ABCG2: variants seen among roughly 807,000 people sequenced by gnomAD.
ABCG2 encodes the protein broad substrate specificity ATP-binding cassette transporter ABCG2.
ABCG2 carries 80 observed loss-of-function variants against 73.5 expected under a neutral mutation model. The ratio of observed to expected loss-of-function variants is 1.09; its 90% CI spans 0.91 to 1.31. The LOEUF (loss-of-function observed/expected upper bound fraction) is 1.31, where lower values mean the gene tolerates loss of function less well. Ranked by LOEUF, ABCG2 falls within the 50% of genes most tolerant of loss-of-function variation. ABCG2 has a pLI of 0.00. For missense variants in ABCG2, 796 were observed against 786.2 expected, an observed-to-expected ratio of 1.01 and a Z score of -0.15; for synonymous variants, 269 against 282.4, an observed-to-expected ratio of 0.95 and a Z score of 0.48.
Position 88,219,814 on chromosome 4 carries a change from C to T in ABCG2, c.-20+11180G>A, listed in dbSNP as rs527269741. 4.0e-5 allele frequency among the ~76,000 whole-genome samples: 6 copies of T among 150,166 alleles called. No homozygotes were observed. In the South Asian group the frequency reaches 1.1e-3, roughly 26 times the overall value. ...CCATGTTAGCCAGGATGGTCTCGAT[C>T]TCCTGACCTCGTGATCCACCCGCCT... On this transcript the variant is annotated intron_variant, in intron 1 of 15. Coordinates refer to the ABCG2 transcript ENST00000515655.
intron 1 of ABCG2, among the ~76,000 whole-genome samples, chr4:88,211,372 C>G (rs961009278): frequency 2.4e-5 from 3 of 123,918 alleles, no homozygotes; most frequent in African/African-American, 8.5e-5. Flanking sequence ...CACCCCCCCC[C>G]ACTTTTGGAG....
At chr4:88,155,298 T>C (rs377297076) in intron 1 of ABCG2, among the ~76,000 whole-genome samples, 111 of 152,252 alleles carry the variant, frequency 7.3e-4, no homozygotes, top group African/African-American at 2.4e-3. Flanking sequence ...TCAGACACGA[T>C]TGGCAGGGAG....
At chr4:88,141,559 C>G (rs1725643913) in intron 1 of ABCG2, among the ~76,000 whole-genome samples, 1 of 152,058 alleles carries the variant, frequency 6.6e-6, no homozygotes, top group Non-Finnish European at 1.5e-5. Flanking sequence ...GGAATGTGGA[C>G]AAACCAAAAA....
chr4:88,130,222 G>C (rs1724753438), intron 5 of ABCG2, among the ~76,000 whole-genome samples: 1 of 152,058 alleles, frequency 6.6e-6, no homozygotes, highest in Non-Finnish European at 1.5e-5. Flanking sequence ...GCTCCCCAAT[G>C]CTTGCATTAC....
At chr4:88,164,148 C>A (rs963309547), upstream of ABCG2, among the ~76,000 whole-genome samples, 8 of 151,906 alleles carry the variant, frequency 5.3e-5, no homozygotes, top group Non-Finnish European at 8.8e-5. Flanking sequence ...CTCACTGCAA[C>A]CTCTGCCTTG....
In ABCG2 at chr4:88,099,417, A is replaced by T; in HGVS notation, c.1399T>A (p.Ser467Thr). The change falls in exon 12 of 16, where the codon TCA becomes ACA. Residue 467 changes from serine (S) to threonine (T), a missense_variant. By Grantham distance (58) the Ser-to-Thr change is moderately conservative. Coordinates refer to ENST00000237612, the MANE Select transcript of ABCG2 (RefSeq NM_004827.3). ...HEYISGYYRV[S>T]SYFLGKLLSD... ...AACAGTTTTCCAAGGAAATAAGATG[A>T]CACTCTGTAGTATCCGCTGATGTAT... The T allele has an allele frequency of 6.2e-7, 1 of 1,611,248 alleles. No homozygotes were observed. The highest frequency in any genetic ancestry group is 8.5e-7 in the Non-Finnish European group (1 of 1,178,868).
At chr4:88,100,220 C>T (rs1738286928) in intron 11 of ABCG2, among the ~76,000 whole-genome samples, 2 of 151,780 alleles carry the variant, frequency 1.3e-5, no homozygotes, top group Non-Finnish European at 2.9e-5. Flanking sequence ...AGCCAGGCGC[C>T]CCGGTGCAGT....
chr4:88,230,208 G>A (rs933823469), intron 1 of ABCG2, among the ~76,000 whole-genome samples: 13 of 147,426 alleles, frequency 8.8e-5, no homozygotes, highest in African/African-American at 3.0e-4. Context: ...GGCCAGGCTT[G>A]TCTCGAACTC....
intron 7 of ABCG2, among the ~76,000 whole-genome samples, 198 bp from the exon 8 acceptor site, chr4:88,115,256 C>CTCTCTCTCTCTATATA (rs1309360818): frequency 6.4e-4 from 45 of 69,864 alleles, no homozygotes; most frequent in African/African-American, 2.5e-3. Flanking sequence ...CTCTCTCTCT[C>CTCTCTCTCTCTATATA]TATATATATA....
intron 1 of ABCG2, among the ~76,000 whole-genome samples, chr4:88,142,835 C>A (rs912168434): frequency 6.6e-6 from 1 of 152,002 alleles, no homozygotes; most frequent in African/African-American, 2.4e-5. Context: ...ATGGTTTCGG[C>A]TACTCGGGAG....
At chr4:88,202,379 T>TATATATATATATATATATATAG (rs1729221785) in intron 1 of ABCG2, among the ~76,000 whole-genome samples, 1 of 136,006 alleles carries the variant, frequency 7.4e-6, no homozygotes, top group African/African-American at 2.7e-5. Flanking sequence ...TATATATATG[T>TATATATATATATATATATATAG]ATATTTTAAT....
chr4:88,216,678 C>T (rs941977894), intron 1 of ABCG2, among the ~76,000 whole-genome samples: 1 of 152,110 alleles, frequency 6.6e-6, no homozygotes, highest in African/African-American at 2.4e-5. Flanking sequence ...TGAACTTTTC[C>T]CAACATGAAA....
intron 1 of ABCG2, among the ~76,000 whole-genome samples, chr4:88,157,116 ACAT>A (rs1726998316): frequency 6.6e-6 from 1 of 152,198 alleles, no homozygotes; most frequent in Admixed American, 6.5e-5. Context: ...AAAAGTATTG[ACAT>A]CATGTACCCA....
At position 88,219,747 on chromosome 4, in the gene ABCG2, AT is replaced by A. The variant is rs5860123; in HGVS notation, c.-20+11246del. On this transcript the variant is annotated intron_variant, in intron 1 of 15. Coordinates refer to the ABCG2 transcript ENST00000515655. ...CAGGCGCACAGTGCCACGCCTGGCT[AT>A]TTTTTTTTTTTTTTGTATTTTTAGT... 4.3e-3 allele frequency among the ~76,000 whole-genome samples: 585 copies of A among 135,040 alleles called. 4 individuals carry two copies. The highest frequency in any genetic ancestry group is 0.011 in the African/African-American group (411 of 36,202). The allele number at this position is 135,040 out of a possible 152,430, so 88.6% of individuals were successfully genotyped here. A position where few individuals can be genotyped will look rare whatever the true frequency, so the allele number is the denominator to read the frequency against.
chr4:88,139,570 T>A (rs538032153), intron 2 of ABCG2, among the ~76,000 whole-genome samples: 13 of 152,306 alleles, frequency 8.5e-5, no homozygotes, highest in Admixed American at 7.8e-4. Context: ...GTGCATTTTT[T>A]AAAAAAGTCT....
At chr4:88,139,672 T>C (rs2110055220) in intron 2 of ABCG2, 121 bp downstream of exon 2, 2 of 764,354 alleles carry the variant, frequency 2.6e-6, no homozygotes, top group Non-Finnish European at 4.2e-6. Flanking sequence ...CATGTGTCTG[T>C]ATATCTGTGC....
intron 1 of ABCG2, among the ~76,000 whole-genome samples, chr4:88,141,184 A>C (rs1002418647): frequency 4.6e-5 from 7 of 152,198 alleles, no homozygotes; most frequent in Admixed American, 3.9e-4. Flanking sequence ...AAAGTAGACC[A>C]AAAAAAGTAA....
chr4:88,182,142 C>T (rs867072171), intron 1 of ABCG2, among the ~76,000 whole-genome samples: 4 of 151,668 alleles, frequency 2.6e-5, no homozygotes, highest in South Asian at 2.1e-4. Context: ...ATATGTAAGA[C>T]AAAAAATTTG....
chr4:88,104,754 C>T (rs1341467081), intron 10 of ABCG2, among the ~76,000 whole-genome samples: 1 of 151,962 alleles, frequency 6.6e-6, no homozygotes, highest in African/African-American at 2.4e-5. Context: ...CACTACTGCA[C>T]ACCAGCCTGG....
Sources: gnomAD v4.1 joint callset for allele counts (sites outside exome capture counted in the v4.1 genomes callset) on GRCh38, gnomAD v4.1.1 for gene constraint, MANE v1.5 for transcripts, NCBI Gene and HGNC (gene_info 2026-07-23, HGNC 2026-07-21) for gene names.